Variants in CCDC61 observed in about 807,000 individuals in gnomAD.
The protein encoded by CCDC61 is coiled-coil domain containing 61, also known as centrosomal protein CCDC61.
In CCDC61, 55 loss-of-function variants were observed where a neutral mutation model predicts 63.0. The observed-to-expected ratio is 0.87, with a 90% CI of 0.70 to 1.09. CCDC61 has a LOEUF of 1.09. Ranked by LOEUF, CCDC61 falls within the 50% of genes least tolerant of loss-of-function variation. The pLI is 0.00. For missense variants in CCDC61, 651 were observed against 731.4 expected, an observed-to-expected ratio of 0.89 and a Z score of 1.27; for synonymous variants, 270 against 317.0, an observed-to-expected ratio of 0.85 and a Z score of 1.58.
chr19:46,006,306 C>T (rs1469520145), intron 3 of CCDC61, among the ~76,000 whole-genome samples: 1 of 152,252 alleles, frequency 6.6e-6, no homozygotes, highest in African/African-American at 2.4e-5. Flanking sequence ...CCCCAGGGAT[C>T]TGGAGACAGC....
chr19:46,010,994 C>T (rs573843290), intron 5 of CCDC61, among the ~76,000 whole-genome samples: 46 of 152,118 alleles, frequency 3.0e-4, no homozygotes, highest in Non-Finnish European at 5.9e-4. Context: ...GGTTTGAATT[C>T]GTCCTGTATC....
intron 1 of CCDC61, among the ~76,000 whole-genome samples, chr19:45,996,891 C>T (rs1372384216): frequency 1.3e-5 from 2 of 152,164 alleles, no homozygotes; most frequent in Non-Finnish European, 2.9e-5. Context: ...GGCTCTCTGC[C>T]TCTCACTGTT....
chr19:46,006,484 C>G (rs1968711824), intron 3 of CCDC61, 75 bp from the exon 4 acceptor site: 4 of 1,387,234 alleles, frequency 2.9e-6, no homozygotes, highest in Middle Eastern at 3.8e-4. Flanking sequence ...AGGGCTGTGG[C>G]CCAGGTGTGT....
intron 3 of CCDC61, among the ~76,000 whole-genome samples, chr19:46,005,087 T>C (rs552766286): frequency 2.6e-5 from 4 of 152,194 alleles, no homozygotes; most frequent in South Asian, 4.2e-4. Context: ...ATTGGCTCAC[T>C]GCAACCTCCG....
In CCDC61 at chr19:46,016,947, GGGGCCAGCGA is replaced by G. The variant is rs773319743; in HGVS notation, c.1232-34_1232-25del. On this transcript the variant is annotated intron_variant, in intron 10 of 13. Transcript: ENST00000595358. This position sits in a 1 kb window ranked among gnomAD's most constrained non-coding sequence, Gnocchi z 7.2. ...TGGGAGGGCCTGGGAAGCACTGGGC[GGGGCCAGCGA>G]GGGCCAGCGGTCACGCCCTCCGTCT... The G allele has an allele frequency of 7.2e-4, 1,129 of 1,570,798 alleles. 25 individuals carry two copies. In the South Asian group the frequency reaches 0.012, roughly 17 times the overall value.
In CCDC61 at chr19:46,018,442, G is replaced by A. The variant is rs1048220040; in HGVS notation, c.*55G>A. 2.1e-6 allele frequency: 3 copies of A among 1,448,358 alleles called. No homozygotes were observed. The highest frequency in any genetic ancestry group is 1.4e-5 in the African/African-American group (1 of 71,030). 89.7% of individuals were successfully genotyped at this position (1,448,358 alleles called of 1,614,324 possible). A position where few individuals can be genotyped will look rare whatever the true frequency, so the allele number is the denominator to read the frequency against. On this transcript the variant is annotated 3_prime_UTR_variant, in exon 14 of 14. Coordinates refer to ENST00000595358, the MANE Select transcript of CCDC61 (RefSeq NM_001267723.2). This position sits in a 1 kb window ranked among gnomAD's most constrained non-coding sequence, Gnocchi z 4.2. ...CCCACCCACTTGCTGGGTATGGTGTGGGGGGTGGGGCCAGGGTGGCCTCCA... is the reference window on the plus strand; with the variant it reads ...CCCACCCACTTGCTGGGTATGGTGTAGGGGGTGGGGCCAGGGTGGCCTCCA...
At chr19:46,000,504 C>T (rs751727780) in intron 1 of CCDC61, among the ~76,000 whole-genome samples, 1 of 151,446 alleles carries the variant, frequency 6.6e-6, no homozygotes, top group Non-Finnish European at 1.5e-5. Context: ...GGCTGGTTTC[C>T]GGGGAATGTA....
chr19:46,006,630 G>A lies in CCDC61; in HGVS notation c.303G>A (p.Gly101=). 1 of 1,613,826 alleles carries A rather than the reference G, an allele frequency of 6.2e-7. No homozygotes were observed. The highest frequency in any genetic ancestry group is 8.5e-7 in the Non-Finnish European group (1 of 1,179,802). Reference sequence around the variant, plus strand: ...AGTCCCTGCGGAACCGCAAGATGGGGGGCCGCCCAGGCTCCTTGGCCCCCA... The same window carrying A: ...AGTCCCTGCGGAACCGCAAGATGGGAGGCCGCCCAGGCTCCTTGGCCCCCA... ...DLESLRNRKM[G]GRPGSLAPRS... Residue 101 remains glycine (G), a synonymous_variant, in exon 4 of 14, where the codon GGG becomes GGA. Transcript: ENST00000595358.
At chr19:46,005,670 G>A (rs1031740863) in intron 3 of CCDC61, among the ~76,000 whole-genome samples, 2 of 151,852 alleles carry the variant, frequency 1.3e-5, no homozygotes, top group Non-Finnish European at 2.9e-5. Flanking sequence ...CTTGAATTTT[G>A]TTATTGGCAA....
At chr19:46,001,675 A>T (rs1244323382) in intron 1 of CCDC61, among the ~76,000 whole-genome samples, 1 of 152,232 alleles carries the variant, frequency 6.6e-6, no homozygotes, top group East Asian at 1.9e-4. Flanking sequence ...TGTGATCTAG[A>T]GAGAGGTGTC....
At chr19:46,011,755 C>T (rs749080168) in intron 5 of CCDC61, among the ~76,000 whole-genome samples, 5 of 152,176 alleles carry the variant, frequency 3.3e-5, no homozygotes, top group South Asian at 2.1e-4. Flanking sequence ...TCAAATTGCC[C>T]GGGAGCTTTG....
chr19:46,014,884 G>T (rs1201176861), intron 5 of CCDC61, among the ~76,000 whole-genome samples, 165 bp from the exon 6 acceptor site: 3 of 152,150 alleles, frequency 2.0e-5, no homozygotes, highest in Non-Finnish European at 4.4e-5. Context: ...CTCACACGTC[G>T]CAGGGGATAT....
Position 46,006,775 on chromosome 19 carries a change from GGTA to G in CCDC61, c.389+61_389+63del, listed in dbSNP as rs1202395895. ...GGTGGGCGGGGTGGGAGAGGATGTG[GGTA>G]GGCCTTAGGAACCCCTGGCACCCAG... On this transcript the variant is annotated intron_variant, in intron 4 of 13. Transcript: ENST00000595358. The G allele has an allele frequency of 2.0e-6, 3 of 1,504,598 alleles. No individual in the cohort carries two copies. In the Admixed American group the frequency reaches 6.0e-5, roughly 30 times the overall value. The allele number at this position is 1,504,598 out of a possible 1,614,324, so 93.2% of individuals were successfully genotyped here. A position where few individuals can be genotyped will look rare whatever the true frequency, so the allele number is the denominator to read the frequency against.
In CCDC61 at chr19:46,018,292, T is replaced by G; in HGVS notation, c.1444T>G (p.Tyr482Asp). ...CATACCCACACCTGCTCTCACAGAG[T>G]ACAGCTCGGAGCACCAGGCGGCTGA... Reference protein sequence around the residue: ...NSGGWVPIKEYSSEHQAADMA... With the variant: ...NSGGWVPIKEDSSEHQAADMA... Residue 482 changes from tyrosine to aspartate, a missense_variant and splice_region_variant, in exon 14 of 14, where the codon TAC (tyrosine) becomes GAC (aspartate). Transcript: ENST00000595358. The surrounding 1 kb of genome is among the most constrained non-coding windows in gnomAD (Gnocchi z 4.2). 6.4e-7 allele frequency: 1 copy of G among 1,565,324 alleles called. No individual in the cohort carries two copies. The highest frequency in any genetic ancestry group is 1.2e-5 in the South Asian group (1 of 85,046).
intron 12 of CCDC61, 57 bp downstream of exon 12, chr19:46,017,361 T>G (rs181658039): frequency 7.4e-6 from 11 of 1,485,024 alleles, no homozygotes; most frequent in African/African-American, 2.8e-5. Flanking sequence ...TTTCCTGTGA[T>G]TCCTTCCTGG....
In CCDC61 at chr19:46,006,556, CAG is replaced by C. The variant is rs1471455668; in HGVS notation, c.232_233del. On this transcript the variant is annotated splice_acceptor_variant, in intron 3 of 13. Transcript: ENST00000595358. LOFTEE classifies it high-confidence loss of function. ...GGCAGCTCCTCCTCTCCTCTCCTGACAGAGTAGTGAGTCAGTCACCCTGGACC... is the reference window on the plus strand; with the variant it reads ...GGCAGCTCCTCCTCTCCTCTCCTGACAGTAGTGAGTCAGTCACCCTGGACC... The C allele has an allele frequency of 6.5e-7, 1 of 1,545,824 alleles. No individual in the cohort carries two copies. Among genetic ancestry groups the C allele is most frequent in the Non-Finnish European group, 8.8e-7 (1 of 1,140,312 alleles).
In CCDC61 at chr19:46,017,228, G is replaced by A. The variant is rs1490457752; in HGVS notation, c.1311-19G>A. 2.6e-6 allele frequency: 4 copies of A among 1,558,464 alleles called. No individual in the cohort carries two copies. Among genetic ancestry groups the A allele is most frequent in the East Asian group, 4.8e-5 (2 of 41,566 alleles). On this transcript the variant is annotated intron_variant, in intron 11 of 13. Transcript: ENST00000595358. ...CAGAGCCTCCCCACCACTGGTCCTT[G>A]GTTACTCCTTTTTCTCAGGGGTCAC...
At chr19:46,003,296 G>A (rs1968628271) in intron 2 of CCDC61, 123 bp from the exon 3 acceptor site, 2 of 1,417,632 alleles carry the variant, frequency 1.4e-6, no homozygotes, top group Non-Finnish European at 1.9e-6. Flanking sequence ...GTGTGGGGAG[G>A]GGTGTAGGTC....
intron 3 of CCDC61, among the ~76,000 whole-genome samples, chr19:46,005,001 C>G (rs1165936475): frequency 6.6e-6 from 1 of 151,422 alleles, no homozygotes; most frequent in Non-Finnish European, 1.5e-5. Context: ...CCATGCCCAG[C>G]TAATTTTTGT....
Sources: allele counts gnomAD v4.1 joint callset (sites outside exome capture counted in the v4.1 genomes callset), GRCh38; gene constraint gnomAD v4.1.1; non-coding constraint Gnocchi (gnomAD v3.1); transcripts MANE v1.5; gene names NCBI Gene and HGNC (gene_info 2026-07-23, HGNC 2026-07-21).